Variants in DMRTC1 observed in about 807,000 individuals in gnomAD.
DMRTC1 encodes the protein DMRT like family C1.
For synonymous variants in DMRTC1, 7 were observed against 14.1 expected, an observed-to-expected ratio of 0.50 and a Z score of 1.13; for missense variants, 9 against 34.6, an observed-to-expected ratio of 0.26 and a Z score of 1.86.
chrX:72,905,642 G>A (rs2054924552), intron 1 of DMRTC1, among the ~76,000 whole-genome samples: 1 of 56,855 alleles, frequency 1.8e-5, no homozygotes, highest in Non-Finnish European at 3.1e-5. Flanking sequence ...CGAGTAGCTG[G>A]GACTGCAGGC....
intron 1 of DMRTC1, among the ~76,000 whole-genome samples, chrX:72,916,402 C>T (rs2055217447): frequency 9.3e-6 from 1 of 107,283 alleles, no homozygotes; most frequent in South Asian, 3.9e-4. Context: ...AGCCCATGCT[C>T]TTGGTGATGG....
At chrX:72,913,600 C>T (rs1301145555) in intron 1 of DMRTC1, among the ~76,000 whole-genome samples, 2 of 94,595 alleles carry the variant, frequency 2.1e-5, no homozygotes, top group Non-Finnish European at 4.1e-5. Flanking sequence ...GTGAGTTTTC[C>T]ACGGCTCTCA....
chrX:72,913,334 C>T, intron 1 of DMRTC1: 1 of 575,950 alleles, frequency 1.7e-6, no homozygotes. Context: ...CTCTGATGCT[C>T]CATGCCCCTG....
chrX:72,882,044 G>A (rs1411119019), intron 1 of DMRTC1, among the ~76,000 whole-genome samples: 42 of 106,717 alleles, frequency 3.9e-4, no homozygotes, highest in Non-Finnish European at 6.2e-4. Flanking sequence ...TCGATGACAT[G>A]CGGATATTCT....
chrX:72,913,586 A>G (rs1328853003), intron 1 of DMRTC1, among the ~76,000 whole-genome samples: 1 of 98,367 alleles, frequency 1.0e-5, no homozygotes, highest in Non-Finnish European at 2.0e-5. Flanking sequence ...GTAGCCAATC[A>G]ACGGTGAGTT....
At chrX:72,877,043 A>ATT (rs782053336) in intron 1 of DMRTC1, among the ~76,000 whole-genome samples, 1 of 93,635 alleles carries the variant, frequency 1.1e-5, no homozygotes. Context: ...AATTTTTTGT[A>ATT]TTTTTTTTTT....
chrX:72,916,281 G>A (rs2147894290), intron 1 of DMRTC1, among the ~76,000 whole-genome samples: 1 of 109,458 alleles, frequency 9.1e-6, no homozygotes, highest in South Asian at 3.7e-4. Context: ...AGGGAGCCAA[G>A]ATACAGTCCC....
intron 1 of DMRTC1, among the ~76,000 whole-genome samples, chrX:72,881,707 AC>A (rs1320096890): frequency 1.6e-5 from 1 of 60,866 alleles, no homozygotes; most frequent in Non-Finnish European, 3.2e-5. Flanking sequence ...GTACCCCCAA[AC>A]AATTTTTTAA....
In DMRTC1 at chrX:72,875,032, T is replaced by C. The variant is rs1603285104; in HGVS notation, c.124-74A>G. On this transcript the variant is annotated intron_variant, in intron 3 of 6. Coordinates refer to ENST00000615063, the MANE Select transcript of DMRTC1 (RefSeq NM_033053.3). ...GGAGAGAGGAGGTGTGGACATGTTT[T>C]AGGATGAGGATAGGAGCCTAGAATG... The C allele has an allele frequency of 1.6e-4, 24 of 154,717 alleles. No homozygotes were observed. The South Asian group carries it at 2.9e-3, about 18-fold the overall frequency. The allele number at this position is 154,717 out of a possible 1,213,427, so 12.8% of individuals were successfully genotyped here. A position where few individuals can be genotyped will look rare whatever the true frequency, so the allele number is the denominator to read the frequency against.
At chrX:72,879,147 G>GT (rs781972795) in intron 1 of DMRTC1, among the ~76,000 whole-genome samples, 172 of 12,730 alleles carry the variant, frequency 0.014, 5 homozygotes, top group South Asian at 0.019. Flanking sequence ...TTTTTTGTTT[G>GT]TTTTTTTTTT....
intron 1 of DMRTC1, among the ~76,000 whole-genome samples, chrX:72,916,278 C>A (rs143363426): frequency 0.011 from 1,151 of 109,163 alleles, 119 homozygotes; most frequent in African/African-American, 0.04. Context: ...AAGAGGGAGC[C>A]AAGATACAGT....
intron 1 of DMRTC1, among the ~76,000 whole-genome samples, chrX:72,886,899 C>G (rs2054880863): frequency 1.1e-5 from 1 of 93,182 alleles, no homozygotes; most frequent in Non-Finnish European, 2.1e-5. Context: ...TTTGTGTGGT[C>G]TTCAATTTTT....
Position 72,916,341 on chromosome X carries a change from G to A in DMRTC1, c.-95+27234C>T, listed in dbSNP as rs1318700401. ...TCCATTACAGCAATGCAGTCTAAGA[G>A]CCACTGTCACCAACTACAAATCTAG... On this transcript the variant is annotated intron_variant, in intron 1 of 6. Coordinates refer to ENST00000615063, the MANE Select transcript of DMRTC1 (RefSeq NM_033053.3). 2.8e-5 allele frequency among the ~76,000 whole-genome samples: 3 copies of A among 109,023 alleles called. 1 individual carries two copies. Among genetic ancestry groups the A allele is most frequent in the African/African-American group, 1.1e-4 (3 of 27,100 alleles). 94.7% of individuals were successfully genotyped at this position (109,023 alleles called of 115,157 possible). A position where few individuals can be genotyped will look rare whatever the true frequency, so the allele number is the denominator to read the frequency against.
intron 3 of DMRTC1, 24 bp from the exon 4 acceptor site, chrX:72,874,982 T>C: frequency 1.3e-5 from 3 of 223,183 alleles, no homozygotes; most frequent in Non-Finnish European, 1.3e-5. Context: ...GAGCACAGGT[T>C]GCAGTCAGGT....
At chrX:72,912,557 AG>A (rs1195795985) in intron 1 of DMRTC1, 11 of 261,789 alleles carry the variant, frequency 4.2e-5, no homozygotes, top group Admixed American at 2.4e-4. Context: ...ACCAGGCTGT[AG>A]GGGGGGAGGG....
intron 1 of DMRTC1, among the ~76,000 whole-genome samples, chrX:72,881,898 C>T (rs1556353073): frequency 8.8e-6 from 1 of 113,447 alleles, no homozygotes; most frequent in Non-Finnish European, 1.9e-5. Context: ...CTCCTAACGC[C>T]AGTTTCTCTA....
At chrX:72,913,339 C>A in intron 1 of DMRTC1, 2 of 547,679 alleles carry the variant, frequency 3.7e-6, no homozygotes, top group Non-Finnish European at 6.2e-6. Context: ...ATGCTCCATG[C>A]CCCTGCTCGC....
chrX:72,913,176 C>T (rs2054964242), intron 1 of DMRTC1: 2 of 680,618 alleles, frequency 2.9e-6, no homozygotes, highest in East Asian at 3.3e-5. Flanking sequence ...CCTGTTCCAC[C>T]AAGAGAACCT....
intron 1 of DMRTC1, among the ~76,000 whole-genome samples, chrX:72,879,136 G>GTT (rs1556352208): frequency 2.7e-5 from 2 of 74,454 alleles, no homozygotes; most frequent in African/African-American, 9.4e-5. Context: ...AGTTATGGGG[G>GTT]TTTTTTGTTT....
Sources: gnomAD v4.1 joint callset for allele counts (sites outside exome capture counted in the v4.1 genomes callset) on GRCh38, gnomAD v4.1.1 for gene constraint, MANE v1.5 for transcripts, NCBI Gene and HGNC (gene_info 2026-07-23, HGNC 2026-07-21) for gene names.